KIF19: variants seen among roughly 807,000 people sequenced by gnomAD.
The protein encoded by KIF19 is kinesin-like protein KIF19.
Under a neutral mutation model 106.6 loss-of-function variants are expected in KIF19, and 98 were observed. The observed-to-expected ratio is 0.92, with a 90% CI of 0.78 to 1.09. The LOEUF (loss-of-function observed/expected upper bound fraction) is 1.09. Ranked by LOEUF, KIF19 falls within the 50% of genes least tolerant of loss-of-function variation. KIF19 has a pLI of 0.00. For missense variants in KIF19, 1,373 were observed against 1,414.3 expected, an observed-to-expected ratio of 0.97 and a Z score of 0.47; for synonymous variants, 516 against 584.2, an observed-to-expected ratio of 0.88 and a Z score of 1.68.
chr17:74,347,005 C>T (rs2054550774), intron 8 of KIF19, among the ~76,000 whole-genome samples: 1 of 152,144 alleles, frequency 6.6e-6, no homozygotes, highest in Non-Finnish European at 1.5e-5. Context: ...CCTTAGATCT[C>T]GTCAACAACT....
At position 74,340,618 on chromosome 17, in the gene KIF19, T is replaced by C. The variant is rs2054345294; in HGVS notation, c.121-1258T>C. On this transcript the variant is annotated intron_variant, in intron 2 of 19. Coordinates refer to ENST00000389916, the MANE Select transcript of KIF19 (RefSeq NM_153209.4). Reference sequence around the variant, plus strand: ...GCAGGGAGGGGAGCCCCAGCTGGGATTGGCCCACCCATGGCCTGTCCTGGC... The same window carrying C: ...GCAGGGAGGGGAGCCCCAGCTGGGACTGGCCCACCCATGGCCTGTCCTGGC... Among the ~76,000 whole-genome samples, 2 of 151,372 alleles carry C rather than the reference T, an allele frequency of 1.3e-5. 1 individual carries two copies.
intron 9 of KIF19, chr17:74,348,465 C>T (rs530411901): frequency 1.2e-5 from 2 of 160,526 alleles, no homozygotes; most frequent in Middle Eastern, 5.7e-4. Flanking sequence ...CCTTGCCATC[C>T]GCTTAGAAAT....
chr17:74,339,747 T>C (rs1277919216), intron 2 of KIF19, among the ~76,000 whole-genome samples: 1 of 152,072 alleles, frequency 6.6e-6, no homozygotes, highest in African/African-American at 2.4e-5. Context: ...AGCCCAGGCG[T>C]CCCCAGGCGC....
In KIF19 at chr17:74,354,807, T is replaced by G. The variant is rs1344194942; in HGVS notation, c.2732T>G (p.Leu911Arg). Reference sequence around the variant, plus strand: ...CTCTCCCACCCCAAGACACACCTCCTGGGGCCCCATCAGGCGGAGCGCATC... The same window carrying G: ...CTCTCCCACCCCAAGACACACCTCCGGGGGCCCCATCAGGCGGAGCGCATC... ...QGLSHPKTHLLGPHQAERISD... is the reference protein window; with the variant it reads ...QGLSHPKTHLRGPHQAERISD... Residue 911 changes from leucine to arginine, a missense_variant, in exon 19 of 20, where the codon CTG (leucine) becomes CGG (arginine). Transcript: ENST00000389916. The G allele has an allele frequency of 4.5e-6, 7 of 1,559,508 alleles. No homozygotes were observed. In the African/African-American group the frequency reaches 5.5e-5, roughly 12 times the overall value.
At position 74,326,354 on chromosome 17, in the gene KIF19, A is replaced by G. The variant is rs376674007; in HGVS notation, c.5A>G (p.Lys2Arg). The G allele has an allele frequency of 6.2e-7, 1 of 1,611,376 alleles. No individual in the cohort carries two copies. Among genetic ancestry groups the G allele is most frequent in the African/African-American group, 1.3e-5 (1 of 74,646 alleles). M[K>R]DSGDSKDQQL... ...GCCCCTCCACCTGCTGCAATCATGAAGGACAGCGGGGACTCCAAGGACCAG... is the reference window on the plus strand; with the variant it reads ...GCCCCTCCACCTGCTGCAATCATGAGGGACAGCGGGGACTCCAAGGACCAG... The change falls in exon 1 of 20, where the codon AAG (lysine) becomes AGG (arginine). Residue 2 changes from lysine to arginine, a missense_variant. Physicochemically the swap from Lys to Arg is conservative, Grantham distance 26 (BLOSUM62 2). Coordinates refer to ENST00000389916, the MANE Select transcript of KIF19 (RefSeq NM_153209.4).
intron 3 of KIF19, among the ~76,000 whole-genome samples, chr17:74,342,218 G>A (rs559295842): frequency 1.3e-5 from 2 of 152,308 alleles, no homozygotes; most frequent in East Asian, 1.9e-4. Context: ...ACCCTACACG[G>A]TACAACTCGC....
chr17:74,346,751 G>A lies in KIF19; in HGVS notation c.924+227G>A, dbSNP rs938545377. Among the ~76,000 whole-genome samples, 5 of 152,108 alleles carry A rather than the reference G, an allele frequency of 3.3e-5. No individual in the cohort carries two copies. Among genetic ancestry groups the A allele is most frequent in the African/African-American group, 7.2e-5 (3 of 41,418 alleles). On this transcript the variant is annotated intron_variant, in intron 8 of 19. Transcript: ENST00000389916. The surrounding 1 kb of genome is among the most constrained non-coding windows in gnomAD (Gnocchi z 4.6). ...CTGGGTATCCTGTATTTTATCTGAC[G>A]ACCCTAACCAAAGGCTGGGCAATGG...
At chr17:74,338,782 C>T (rs955570254) in intron 2 of KIF19, among the ~76,000 whole-genome samples, 3 of 151,892 alleles carry the variant, frequency 2.0e-5, no homozygotes, top group East Asian at 3.9e-4. Flanking sequence ...TCCGCAAGCT[C>T]GATCTGGGTG....
At chr17:74,328,547 G>T (rs762684759) in intron 2 of KIF19, 42 bp downstream of exon 2, 3 of 1,518,028 alleles carry the variant, frequency 2.0e-6, no homozygotes, top group Non-Finnish European at 2.7e-6. Flanking sequence ...GCAGAGGTCT[G>T]CTCAGATGGC....
intron 7 of KIF19, among the ~76,000 whole-genome samples, chr17:74,345,285 G>C (rs999021177): frequency 6.6e-6 from 1 of 152,150 alleles, no homozygotes; most frequent in Non-Finnish European, 1.5e-5. Flanking sequence ...TTTCTCCAGG[G>C]AAGGAGACTG....
intron 2 of KIF19, chr17:74,329,086 A>C (rs996455155): frequency 5.3e-5 from 8 of 152,324 alleles, no homozygotes; most frequent in Non-Finnish European, 7.3e-5. Context: ...CAAACAAACG[A>C]GTTTGCAGCT....
chr17:74,353,452 T>C, intron 16 of KIF19, 42 bp from the exon 17 acceptor site: 1 of 1,578,236 alleles, frequency 6.3e-7, no homozygotes, highest in Non-Finnish European at 8.7e-7. Context: ...GGGTCCCTGC[T>C]GTGTTTAAGG....
Position 74,346,840 on chromosome 17 carries a change from G to C in KIF19, c.924+316G>C, listed in dbSNP as rs2054545623. Among the ~76,000 whole-genome samples, 1 of 152,144 alleles carries C rather than the reference G, an allele frequency of 6.6e-6. No individual in the cohort carries two copies. Among genetic ancestry groups the C allele is most frequent in the Admixed American group, 6.5e-5 (1 of 15,282 alleles). On this transcript the variant is annotated intron_variant, in intron 8 of 19. Transcript: ENST00000389916. The surrounding 1 kb of genome is among the most constrained non-coding windows in gnomAD (Gnocchi z 4.6). Reference sequence around the variant, plus strand: ...TGGGTCAGAGCCGTCTAGATTTGGGGGTGCAGGTGGGCAGTCAGCCTCATG... The same window carrying C: ...TGGGTCAGAGCCGTCTAGATTTGGGCGTGCAGGTGGGCAGTCAGCCTCATG...
Position 74,346,540 on chromosome 17 carries a change from G to A in KIF19, c.924+16G>A. On this transcript the variant is annotated intron_variant, in intron 8 of 19. Transcript: ENST00000389916. The surrounding 1 kb of genome is among the most constrained non-coding windows in gnomAD (Gnocchi z 4.6). ...GCTCCTGAAGGTACCAGCCACAGCT[G>A]GGCCTGGGCACTGGGCACCAAGGGT... 1 of 1,549,334 alleles carries A rather than the reference G, an allele frequency of 6.5e-7. No individual in the cohort carries two copies. The highest frequency in any genetic ancestry group is 8.7e-7 in the Non-Finnish European group (1 of 1,145,564).
intron 9 of KIF19, among the ~76,000 whole-genome samples, chr17:74,348,132 T>C (rs2054592106): frequency 6.6e-6 from 1 of 152,200 alleles, no homozygotes; most frequent in African/African-American, 2.4e-5. Flanking sequence ...AGGACTGTGC[T>C]CCCCCTGCCT....
rs745820022 is a variant in KIF19, at chr17:74,350,468, C to G, written c.1281C>G (p.Ala427=). 6.2e-7 allele frequency: 1 copy of G among 1,610,776 alleles called. No homozygotes were observed. The highest frequency in any genetic ancestry group is 1.1e-5 in the South Asian group (1 of 90,568). Residue 427 remains alanine, a synonymous_variant, in exon 11 of 20, where the codon GCC becomes GCG. Coordinates refer to ENST00000389916, the MANE Select transcript of KIF19 (RefSeq NM_153209.4). ...TGGGACAGCTTCGGGAGCAGCTCGC[C>G]AGCGCCTTCCAGGAGCAGATGGATG... ...AGMGQLREQL[A]SAFQEQMDVR...
At position 74,350,975 on chromosome 17, in the gene KIF19, C is replaced by T. The variant is rs767982091; in HGVS notation, c.1587+70C>T. 5.9e-6 allele frequency: 9 copies of T among 1,513,536 alleles called. No homozygotes were observed. The Admixed American group carries it at 8.4e-5, about 14-fold the overall frequency. The allele number at this position is 1,513,536 out of a possible 1,614,324, so 93.8% of individuals were successfully genotyped here. ...GGGTGAGCAGGTTTGAGAGGCAAGGCGGAGGGGCCAGGGTGGGGGTAGCCG... is the reference window on the plus strand; with the variant it reads ...GGGTGAGCAGGTTTGAGAGGCAAGGTGGAGGGGCCAGGGTGGGGGTAGCCG... On this transcript the variant is annotated intron_variant, in intron 12 of 19. Transcript: ENST00000389916.
Position 74,353,258 on chromosome 17 carries a change from C to A in KIF19, c.2177C>A (p.Pro726His). Residue 726 changes from proline (P) to histidine (H), a missense_variant, in exon 16 of 20, where the codon CCC becomes CAC. By Grantham distance (77) the Pro-to-His change is moderately conservative. This residue lies in a region of KIF19 where 1,020 missense variants were observed against 1,008.2 expected (regional missense o/e 1.01). Coordinates refer to ENST00000389916, the MANE Select transcript of KIF19 (RefSeq NM_153209.4). ...GAWQAKSSSVPTPPPIQLGSL... is the reference protein window; with the variant it reads ...GAWQAKSSSVHTPPPIQLGSL... Reference sequence around the variant, plus strand: ...TGGCAGGCAAAAAGCTCCTCTGTGCCCACCCCACCTCCCATCCAGCTCGGC... The same window carrying A: ...TGGCAGGCAAAAAGCTCCTCTGTGCACACCCCACCTCCCATCCAGCTCGGC... 6.3e-7 allele frequency: 1 copy of A among 1,583,612 alleles called. No homozygotes were observed. Among genetic ancestry groups the A allele is most frequent in the Non-Finnish European group, 8.6e-7 (1 of 1,165,516 alleles).
chr17:74,344,270 C>T lies in KIF19; in HGVS notation c.504C>T (p.Tyr168=). ...ACCTGCTGAACCCCTCCCTGGGCTA[C>T]CTGGAGCTGCGGGAGGACTCTAAGG... ...IRDLLNPSLG[Y]LELREDSKGV... Residue 168 remains tyrosine (Y), a synonymous_variant, in exon 6 of 20, where the codon TAC becomes TAT. Coordinates refer to ENST00000389916, the MANE Select transcript of KIF19 (RefSeq NM_153209.4). 1 of 1,613,104 alleles carries T rather than the reference C, an allele frequency of 6.2e-7. No homozygotes were observed. Among genetic ancestry groups the T allele is most frequent in the Non-Finnish European group, 8.5e-7 (1 of 1,179,788 alleles).
Sources: allele counts gnomAD v4.1 joint callset (sites outside exome capture counted in the v4.1 genomes callset), GRCh38; gene constraint gnomAD v4.1.1; regional missense constraint gnomAD v4.1.1; non-coding constraint Gnocchi (gnomAD v3.1); transcripts MANE v1.5; gene names NCBI Gene and HGNC (gene_info 2026-07-23, HGNC 2026-07-21).